LIG3: variants seen among roughly 807,000 people sequenced by gnomAD.
The protein encoded by LIG3 is ligase II, DNA, ATP-dependent.
Under a neutral mutation model 110.9 loss-of-function variants are expected in LIG3, and 58 were observed. The ratio of observed to expected loss-of-function variants is 0.52; its 90% CI spans 0.42 to 0.65. The LOEUF is 0.65. Among genes scored for constraint, LIG3 ranks in the 30% least tolerant of loss-of-function variants. The probability of loss-of-function intolerance (pLI) is 0.00; values close to 1 mark genes in which losing one functional copy is unlikely to be tolerated. For missense variants in LIG3, 1,094 were observed against 1,273.8 expected (o/e 0.86, Z 2.15); for synonymous variants, 422 against 472.8 (o/e 0.89, Z 1.39).
At chr17:34,988,672 T>C (rs920295410) in intron 3 of LIG3, among the ~76,000 whole-genome samples, 1 of 152,202 alleles carries the variant, frequency 6.6e-6, no homozygotes, top group Non-Finnish European at 1.5e-5. Context: ...TAACTGCTCC[T>C]TGGGGAGCAG....
At chr17:34,993,684 A>C (rs1463627316) in intron 8 of LIG3, among the ~76,000 whole-genome samples, 1 of 152,228 alleles carries the variant, frequency 6.6e-6, no homozygotes, top group Non-Finnish European at 1.5e-5. Context: ...TCCAAAAATG[A>C]AAACAATATT....
rs2090807232 is a variant in LIG3 at position 34,998,703 on chromosome 17, G to A, written c.2089G>A (p.Ala697Thr). ...CACAGCTGACCTGGTGGTCCTTGGA[G>A]CCTTCTATGGGCAAGGGAGCAAAGG... The part of the protein sequence containing the change: ...ADTADLVVLG[A>T]FYGQGSKGGM... The change falls in exon 14 of 20, where the codon GCC becomes ACC. Residue 697 changes from alanine (A) to threonine (T), a missense_variant. Coordinates refer to ENST00000378526, the MANE Select transcript of LIG3 (RefSeq NM_013975.4). 1.2e-6 allele frequency: 2 copies of A among 1,614,152 alleles called. No homozygotes were observed. Among genetic ancestry groups the A allele is most frequent in the East Asian group, 4.5e-5 (2 of 44,886 alleles).
rs755773115 is a variant in LIG3, at chr17:35,002,115, G to T, written c.2674+11G>T. 3 of 1,555,732 alleles carry T rather than the reference G, an allele frequency of 1.9e-6. No homozygotes were observed. Among genetic ancestry groups the T allele is most frequent in the Non-Finnish European group, 2.6e-6 (3 of 1,151,884 alleles). ...CCAACAGCAAAGATGGTAAGGATAG[G>T]GAGGGGGCTGGTATGGTGAAGAGGG... On this transcript the variant is annotated intron_variant, in intron 18 of 19. Coordinates refer to ENST00000378526, the MANE Select transcript of LIG3 (RefSeq NM_013975.4).
chr17:34,988,647 A>G (rs1462227959), intron 3 of LIG3, among the ~76,000 whole-genome samples: 3 of 152,172 alleles, frequency 2.0e-5, no homozygotes, highest in African/African-American at 7.2e-5. Flanking sequence ...GTAAAAATGT[A>G]TTATTTTTTT....
At position 35,002,731 on chromosome 17, in the gene LIG3, C is replaced by T; in HGVS notation, c.2738C>T (p.Ser913Phe). 1 of 1,613,208 alleles carries T rather than the reference C, an allele frequency of 6.2e-7. No homozygotes were observed. Among genetic ancestry groups the T allele is most frequent in the African/African-American group, 1.3e-5 (1 of 75,048 alleles). The change falls in exon 19 of 20, where the codon TCT (serine) becomes TTT (phenylalanine). Residue 913 changes from serine (S) to phenylalanine (F), a missense_variant. Coordinates refer to ENST00000378526, the MANE Select transcript of LIG3 (RefSeq NM_013975.4). ...KVGEKLATKSSPVKVGEKRKA... is the reference protein window; with the variant it reads ...KVGEKLATKSFPVKVGEKRKA... ...GGGGAGAAGCTGGCCACAAAGTCTT[C>T]TCCAGTGAAAGTAGGGGAGAAGCGG...
intron 5 of LIG3, 55 bp from the exon 6 acceptor site, chr17:34,991,616 G>T: frequency 6.3e-7 from 1 of 1,577,384 alleles, no homozygotes; most frequent in Non-Finnish European, 8.7e-7. Context: ...GGTCTTGGGG[G>T]ATACACTTGG....
chr17:34,996,609 T>C lies in LIG3; in HGVS notation c.1779T>C (p.Phe593=). The part of the protein sequence containing the change: ...AAFQDANVCL[F]VFDCIYFNDV... ...TCCAGGATGCTAATGTCTGCCTGTT[T>C]GTTTTTGATTGTATCTACTTTAATG... The change falls in exon 11 of 20, where the codon TTT becomes TTC. Residue 593 remains phenylalanine, a synonymous_variant. Transcript: ENST00000378526. The C allele has an allele frequency of 6.2e-7, 1 of 1,614,138 alleles. No homozygotes were observed. Among genetic ancestry groups the C allele is most frequent in the Non-Finnish European group, 8.5e-7 (1 of 1,180,022 alleles).
rs1001568025 is a variant in LIG3, at chr17:35,008,627, T to G, written c.*4121T>G. On this transcript the variant is annotated 3_prime_UTR_variant, in exon 20 of 20. Transcript: ENST00000378526. ...TTGGTTTTTTTGGGTTTTTTGTTTGTGTTTTTTTTTGTTTTGTTTTTTGAG... is the reference window on the plus strand; with the variant it reads ...TTGGTTTTTTTGGGTTTTTTGTTTGGGTTTTTTTTTGTTTTGTTTTTTGAG... 2.6e-5 allele frequency: 4 copies of G among 151,236 alleles called. No individual in the cohort carries two copies. The highest frequency in any genetic ancestry group is 9.8e-5 in the African/African-American group (4 of 40,726). The allele number at this position is 151,236 out of a possible 1,614,324, so 9.4% of individuals were successfully genotyped here.
chr17:35,005,922 G>C lies in LIG3; in HGVS notation c.*1416G>C, dbSNP rs1487227649. 2 of 316,400 alleles carry C rather than the reference G, an allele frequency of 6.3e-6. No homozygotes were observed. Among genetic ancestry groups the C allele is most frequent in the Non-Finnish European group, 1.2e-5 (2 of 163,688 alleles). 19.6% of individuals were successfully genotyped at this position (316,400 alleles called of 1,614,324 possible). ...GGACTAGAATTTCTTCTTGGTATCA[G>C]AGAGACAAGTTTATCACAGTATTTT... On this transcript the variant is annotated 3_prime_UTR_variant, in exon 20 of 20. Coordinates refer to ENST00000378526, the MANE Select transcript of LIG3 (RefSeq NM_013975.4).
chr17:34,989,014 C>CTT (rs34029311), intron 3 of LIG3, among the ~76,000 whole-genome samples: 9 of 147,904 alleles, frequency 6.1e-5, no homozygotes, highest in African/African-American at 2.2e-4. Flanking sequence ...CTTCTGACCA[C>CTT]TTTTTTTTTT....
chr17:35,001,354 T>A lies in LIG3; in HGVS notation c.2429T>A (p.Ile810Asn). The A allele has an allele frequency of 6.2e-7, 1 of 1,614,160 alleles. No individual in the cohort carries two copies. Residue 810 changes from isoleucine to asparagine, a missense_variant, in exon 17 of 20, where the codon ATC becomes AAC. Ile to Asn is a moderately radical substitution (Grantham distance 149). Coordinates refer to ENST00000378526, the MANE Select transcript of LIG3 (RefSeq NM_013975.4). Reference protein sequence around the residue: ...ISIRFPRCTRIRDDKDWKSAT... With the variant: ...ISIRFPRCTRNRDDKDWKSAT... ...ATCCGATTCCCTCGCTGCACCCGAA[T>A]CCGAGATGATAAGGACTGGAAATCT... is the stretch of plus-strand genomic sequence containing the variant.
intron 12 of LIG3, 138 bp downstream of exon 12, chr17:34,997,963 C>T (rs2142273649): frequency 1.4e-6 from 1 of 709,432 alleles, no homozygotes; most frequent in South Asian, 1.7e-5. Context: ...TTGACTATTG[C>T]ATATGTTGCC....
Position 34,994,362 on chromosome 17 carries a change from C to T in LIG3, c.1542C>T (p.Val514=), listed in dbSNP as rs759404942. The T allele has an allele frequency of 2.5e-6, 4 of 1,614,090 alleles. No individual in the cohort carries two copies. The part of the protein sequence containing the change: ...FSEIKYDGER[V]QVHKNGDHFS... ...AGATCAAGTACGATGGAGAGCGAGT[C>T]CAGGTGCATAAGAATGGAGACCACT... Residue 514 remains valine, a synonymous_variant, in exon 9 of 20, where the codon GTC becomes GTT. Coordinates refer to ENST00000378526, the MANE Select transcript of LIG3 (RefSeq NM_013975.4).
intron 8 of LIG3, 70 bp downstream of exon 8, chr17:34,992,762 T>C (rs1249717990): frequency 1.4e-6 from 2 of 1,445,326 alleles, no homozygotes; most frequent in South Asian, 1.4e-5. Flanking sequence ...TGAGATCAGA[T>C]AGGGTATGAG....
chr17:35,003,834 C>G, intron 19 of LIG3: 1 of 167,218 alleles, frequency 6.0e-6, no homozygotes, highest in Non-Finnish European at 1.3e-5. Context: ...TTTCCCCTCT[C>G]TCTTCCCAGC....
At chr17:34,982,362 G>C (rs1464241728) in intron 1 of LIG3, among the ~76,000 whole-genome samples, 1 of 152,076 alleles carries the variant, frequency 6.6e-6, no homozygotes, top group East Asian at 1.9e-4. Context: ...CGAAACTTCA[G>C]GGCCAGGCAC....
rs1172909860 is a variant in LIG3, at chr17:35,004,807, CT to C, written c.*304del. ...TATAAATAAAATATCTTGCAGTTAT[CT>C]TTGTCCTTTCCCCACCTACACCCCC... On this transcript the variant is annotated 3_prime_UTR_variant, in exon 20 of 20. Transcript: ENST00000378526. 1 of 345,308 alleles carries C rather than the reference CT, an allele frequency of 2.9e-6. No homozygotes were observed. Among genetic ancestry groups the C allele is most frequent in the Non-Finnish European group, 5.4e-6 (1 of 186,420 alleles). 21.4% of individuals were successfully genotyped at this position (345,308 alleles called of 1,614,324 possible). A position where few individuals can be genotyped will look rare whatever the true frequency, so the allele number is the denominator to read the frequency against.
rs3135993 is a variant in LIG3 at position 34,994,135 on chromosome 17, C to T, written c.1456-141C>T. 1,322 of 676,254 alleles carry T rather than the reference C, an allele frequency of 2.0e-3. 15 individuals are homozygous for T. In the African/African-American group the frequency reaches 0.022, roughly 11 times the overall value. 41.9% of individuals were successfully genotyped at this position (676,254 alleles called of 1,614,324 possible). A position where few individuals can be genotyped will look rare whatever the true frequency, so the allele number is the denominator to read the frequency against. ...TCCGTTCCCATCACCTCTTCACCAG[C>T]CTTCCCTGAGCGTTAATTGTGGGCA... On this transcript the variant is annotated intron_variant, in intron 8 of 19. Transcript: ENST00000378526.
At chr17:35,003,170 C>T in intron 19 of LIG3, 1 of 1,529,502 alleles carries the variant, frequency 6.5e-7, no homozygotes, top group Non-Finnish European at 8.8e-7. Flanking sequence ...AGTTTGTGGT[C>T]AGGGTGGAAG....
Sources: allele counts gnomAD v4.1 joint callset (sites outside exome capture counted in the v4.1 genomes callset), GRCh38; gene constraint gnomAD v4.1.1; transcripts MANE v1.5; gene names NCBI Gene and HGNC (gene_info 2026-07-23, HGNC 2026-07-21).